HCN2: variants seen among roughly 807,000 people sequenced by gnomAD.
HCN2 encodes the protein hyperpolarization activated cyclic nucleotide gated potassium and sodium channel 2.
Under a neutral mutation model 52.3 loss-of-function variants are expected in HCN2, and 20 were observed. The observed-to-expected ratio is 0.38, with a 90% CI of 0.27 to 0.56. HCN2 has a LOEUF of 0.56. Among genes scored for constraint, HCN2 ranks in the 20% least tolerant of loss-of-function variants. HCN2 has a pLI of 0.71. For missense variants in HCN2, 981 were observed against 1,207.7 expected (o/e 0.81, Z 2.78); for synonymous variants, 694 against 537.0 (o/e 1.29, Z -4.04).
At chr19:614,263 C>T (rs1215932757) in intron 7 of HCN2, among the ~76,000 whole-genome samples, 1 of 152,160 alleles carries the variant, frequency 6.6e-6, no homozygotes, top group Non-Finnish European at 1.5e-5. Flanking sequence ...ATTTTCTGAC[C>T]TATTGTCCTA....
Position 605,320 on chromosome 19 carries a change from G to A in HCN2, c.1218+98G>A, listed in dbSNP as rs986705445. ...CCCGCTTACAGAGGGTTGAACCCAA[G>A]CCTTTCAGAGGTGGGGACCCAGGCG... On this transcript the variant is annotated intron_variant, in intron 3 of 7. Coordinates refer to ENST00000251287, the MANE Select transcript of HCN2 (RefSeq NM_001194.4). 1.2e-5 allele frequency: 13 copies of A among 1,088,022 alleles called. 1 individual carries two copies. The Admixed American group carries it at 1.5e-4, about 12-fold the overall frequency. The allele number at this position is 1,088,022 out of a possible 1,614,324, so 67.4% of individuals were successfully genotyped here.
rs1486101117 is a variant in HCN2 at position 617,030 on chromosome 19, G to GA, written c.*557dup. ...GCCTGGCTGCGCAGGGCGCGGGGGG[G>GA]AGGCTGGGGTCCCGCCGCCGTGATG... On this transcript the variant is annotated 3_prime_UTR_variant, in exon 8 of 8. Transcript: ENST00000251287. 3.8e-6 allele frequency: 2 copies of GA among 530,902 alleles called. No homozygotes were observed. Among genetic ancestry groups the GA allele is most frequent in the Non-Finnish European group, 3.4e-6 (1 of 291,456 alleles). 32.9% of individuals were successfully genotyped at this position (530,902 alleles called of 1,614,324 possible). A position where few individuals can be genotyped will look rare whatever the true frequency, so the allele number is the denominator to read the frequency against.
chr19:594,273 G>A (rs916218925), intron 1 of HCN2, among the ~76,000 whole-genome samples: 16 of 152,294 alleles, frequency 1.1e-4, no homozygotes, highest in African/African-American at 3.4e-4. Flanking sequence ...GGGCAGATCC[G>A]GGGTTTGTGC....
At chr19:612,128 G>C (rs1338383609) in intron 5 of HCN2, among the ~76,000 whole-genome samples, 2 of 151,636 alleles carry the variant, frequency 1.3e-5, no homozygotes, top group African/African-American at 4.9e-5. Flanking sequence ...CTGGACAACA[G>C]AGCGAGACTC....
At chr19:614,472 G>A (rs2144535426) in intron 7 of HCN2, among the ~76,000 whole-genome samples, 1 of 152,288 alleles carries the variant, frequency 6.6e-6, no homozygotes, top group South Asian at 2.1e-4. Flanking sequence ...GGCAGGTGGG[G>A]CCGGTGGGCT....
intron 5 of HCN2, among the ~76,000 whole-genome samples, chr19:611,788 C>T (rs913390039): frequency 3.9e-5 from 6 of 152,172 alleles, no homozygotes; most frequent in Non-Finnish European, 8.8e-5. Context: ...CCGTCCCCAG[C>T]CCCTGGCAAC....
Position 616,969 on chromosome 19 carries a change from A to AC in HCN2, c.*499dup. 1 of 450,598 alleles carries AC rather than the reference A, an allele frequency of 2.2e-6. No individual in the cohort carries two copies. The highest frequency in any genetic ancestry group is 2.2e-5 in the South Asian group (1 of 46,384). 27.9% of individuals were successfully genotyped at this position (450,598 alleles called of 1,614,324 possible). ...TCCCCCGGTGACCTCGGGGAGCAGCACCCCGCCTCCCTCCAGCACTGGCAC... is the reference window on the plus strand; with the variant it reads ...TCCCCCGGTGACCTCGGGGAGCAGCACCCCCGCCTCCCTCCAGCACTGGCAC... On this transcript the variant is annotated 3_prime_UTR_variant, in exon 8 of 8. Transcript: ENST00000251287.
At chr19:611,680 A>G (rs1377819259) in intron 5 of HCN2, among the ~76,000 whole-genome samples, 1 of 152,328 alleles carries the variant, frequency 6.6e-6, no homozygotes, top group South Asian at 2.1e-4. Flanking sequence ...GGTGGCTTTT[A>G]GTATTAACAG....
chr19:597,222 C>T (rs1983056909), intron 1 of HCN2, among the ~76,000 whole-genome samples: 1 of 152,214 alleles, frequency 6.6e-6, no homozygotes, highest in Non-Finnish European at 1.5e-5. Context: ...CTGAGGAGTC[C>T]TTTCTGGGGA....
rs896556189 is a variant in HCN2, at chr19:616,109, G to A, written c.2305G>A (p.Ala769Thr). ...CCCGCCCCCGGGGCCCGCACCTGCC[G>A]CCGCCTCACCCGGGCCCCCGCCCCC... ...RRPPPGPAPA[A>T]ASPGPPPPAS... The change falls in exon 8 of 8, where the codon GCC (alanine) becomes ACC (threonine). Residue 769 changes from alanine to threonine, a missense_variant. By Grantham distance (58) the Ala-to-Thr change is moderately conservative. Coordinates refer to ENST00000251287, the MANE Select transcript of HCN2 (RefSeq NM_001194.4). The A allele has an allele frequency of 1.1e-5, 8 of 698,238 alleles. No individual in the cohort carries two copies. Among genetic ancestry groups the A allele is most frequent in the African/African-American group, 2.2e-5 (1 of 45,388 alleles). The allele number at this position is 698,238 out of a possible 1,614,324, so 43.3% of individuals were successfully genotyped here. A position where few individuals can be genotyped will look rare whatever the true frequency, so the allele number is the denominator to read the frequency against.
intron 1 of HCN2, among the ~76,000 whole-genome samples, chr19:599,809 T>A (rs1201370524): frequency 6.8e-6 from 1 of 147,930 alleles, no homozygotes; most frequent in Non-Finnish European, 1.5e-5. Context: ...CCTCAAGAAC[T>A]AAGAAGGCTG....
At chr19:595,906 G>A (rs941095451) in intron 1 of HCN2, among the ~76,000 whole-genome samples, 13 of 152,318 alleles carry the variant, frequency 8.5e-5, no homozygotes, top group Middle Eastern at 3.4e-3. Flanking sequence ...AATCCTGGAC[G>A]GCCTCCGGCC....
At chr19:606,408 A>G (rs542427278) in intron 3 of HCN2, among the ~76,000 whole-genome samples, 1 of 151,770 alleles carries the variant, frequency 6.6e-6, no homozygotes, top group Non-Finnish European at 1.5e-5. Context: ...GCCTGGTTGG[A>G]TCCCTTGAGC....
chr19:610,909 G>A (rs772635709), intron 5 of HCN2, among the ~76,000 whole-genome samples: 44 of 151,948 alleles, frequency 2.9e-4, no homozygotes, highest in African/African-American at 5.8e-4. Flanking sequence ...GGGCCGGGCC[G>A]TGCTACCCCC....
chr19:617,003 A>G lies in HCN2; in HGVS notation c.*529A>G. Reference sequence around the variant, plus strand: ...CCCTCCAGCACTGGCACCGAGAGGCAGGCCTGGCTGCGCAGGGCGCGGGGG... The same window carrying G: ...CCCTCCAGCACTGGCACCGAGAGGCGGGCCTGGCTGCGCAGGGCGCGGGGG... On this transcript the variant is annotated 3_prime_UTR_variant, in exon 8 of 8. Transcript: ENST00000251287. The G allele has an allele frequency of 2.1e-6, 1 of 484,596 alleles. No homozygotes were observed. The allele number at this position is 484,596 out of a possible 1,614,324, so 30.0% of individuals were successfully genotyped here. A position where few individuals can be genotyped will look rare whatever the true frequency, so the allele number is the denominator to read the frequency against.
Position 613,578 on chromosome 19 carries a change from C to CAT in HCN2, c.1825+90_1825+91insAT, listed in dbSNP as rs1983743332. 2.3e-5 allele frequency: 5 copies of CAT among 219,550 alleles called. 1 individual carries two copies. The highest frequency in any genetic ancestry group is 7.0e-5 in the African/African-American group (1 of 14,220). 13.6% of individuals were successfully genotyped at this position (219,550 alleles called of 1,614,324 possible). A position where few individuals can be genotyped will look rare whatever the true frequency, so the allele number is the denominator to read the frequency against. The stretch of plus-strand genomic sequence containing the variant: ...AGGGGGCCGGGGCCGGGGCCGGGGC[C>CAT]GGGGATGGGGATGGGGATGGGGATG... On this transcript the variant is annotated intron_variant, in intron 6 of 7. Coordinates refer to ENST00000251287, the MANE Select transcript of HCN2 (RefSeq NM_001194.4).
intron 1 of HCN2, among the ~76,000 whole-genome samples, chr19:601,027 T>G (rs1447542132): frequency 6.6e-6 from 1 of 152,082 alleles, no homozygotes; most frequent in Non-Finnish European, 1.5e-5. Context: ...AGAAATGGGC[T>G]CACACGGCCG....
At chr19:615,276 A>T (rs536992417) in intron 7 of HCN2, among the ~76,000 whole-genome samples, 1 of 152,124 alleles carries the variant, frequency 6.6e-6, no homozygotes, top group South Asian at 2.1e-4. Flanking sequence ...TTCGGAGGCC[A>T]AGGTGGGTGG....
intron 1 of HCN2, among the ~76,000 whole-genome samples, chr19:597,000 A>G (rs1317439844): frequency 1.3e-5 from 2 of 152,212 alleles, no homozygotes; most frequent in Middle Eastern, 3.4e-3. Flanking sequence ...TTGGTAGGGG[A>G]CATGCGTGGG....
Sources: gnomAD v4.1 joint callset for allele counts (sites outside exome capture counted in the v4.1 genomes callset) on GRCh38, gnomAD v4.1.1 for gene constraint, MANE v1.5 for transcripts, NCBI Gene and HGNC (gene_info 2026-07-23, HGNC 2026-07-21) for gene names.